The following SYNPO2 variants were observed in gnomAD, a reference collection of about 807,000 sequenced individuals.
SYNPO2 encodes the protein synaptopodin 2.
Under a neutral mutation model 85.0 loss-of-function variants are expected in SYNPO2, and 56 were observed. The ratio of observed to expected loss-of-function variants is 0.66; its 90% CI spans 0.53 to 0.82. The LOEUF (loss-of-function observed/expected upper bound fraction) is 0.82. Among genes scored for constraint, SYNPO2 ranks in the 40% least tolerant of loss-of-function variants. SYNPO2 has a pLI of 0.00. For missense variants in SYNPO2, 1,575 were observed against 1,534.2 expected (o/e 1.03, Z -0.44); for synonymous variants, 602 against 591.1 (o/e 1.02, Z -0.27).
At chr4:118,868,048 T>TA (rs34145856) in intron 1 of SYNPO2, among the ~76,000 whole-genome samples, 39 of 146,228 alleles carry the variant, frequency 2.7e-4, no homozygotes, top group East Asian at 2.2e-3. Context: ...TCCTTTCATT[T>TA]AAAAAAAAAA....
chr4:118,937,432 T>C (rs1383676355), intron 1 of SYNPO2, among the ~76,000 whole-genome samples: 1 of 152,140 alleles, frequency 6.6e-6, no homozygotes, highest in Non-Finnish European at 1.5e-5. Context: ...CCCTAACAGC[T>C]CATTTTAGGA....
At chr4:118,955,109 C>T (rs1274358939) in intron 1 of SYNPO2, among the ~76,000 whole-genome samples, 1 of 151,272 alleles carries the variant, frequency 6.6e-6, no homozygotes, top group African/African-American at 2.4e-5. Flanking sequence ...AAGTGATTCT[C>T]CTGCCTCAAC....
intron 1 of SYNPO2, among the ~76,000 whole-genome samples, chr4:118,880,035 C>G: frequency 6.6e-6 from 1 of 152,152 alleles, no homozygotes; most frequent in South Asian, 2.1e-4. Flanking sequence ...CTCTGAGACC[C>G]CTTGCATCAT....
rs1241402880 is a variant in SYNPO2, at chr4:118,995,846, C to T, written c.106-27584C>T. ...TGCTGTCTTTCATTCTTTATCTGTC[C>T]ATGTATCTATTTATCTTATCTATCT... is the stretch of plus-strand genomic sequence containing the variant. On this transcript the variant is annotated intron_variant, in intron 1 of 4. Transcript: ENST00000307142. 2.0e-5 allele frequency among the ~76,000 whole-genome samples: 3 copies of T among 150,194 alleles called. No individual in the cohort carries two copies. The East Asian group carries it at 5.9e-4, about 29-fold the overall frequency.
chr4:118,948,209 C>T (rs1417604964), intron 1 of SYNPO2, among the ~76,000 whole-genome samples: 2 of 152,052 alleles, frequency 1.3e-5, no homozygotes, highest in Non-Finnish European at 1.5e-5. Flanking sequence ...TAATAAGATC[C>T]GATTTGTTAA....
intron 1 of SYNPO2, among the ~76,000 whole-genome samples, chr4:119,007,468 T>C (rs564263580): frequency 5.3e-5 from 8 of 151,356 alleles, no homozygotes; most frequent in Admixed American, 1.3e-4. Context: ...ATTATTGACC[T>C]AGAAGCACAT....
chr4:119,007,665 G>C (rs1161555024), intron 1 of SYNPO2, among the ~76,000 whole-genome samples: 1 of 152,074 alleles, frequency 6.6e-6, no homozygotes, highest in Non-Finnish European at 1.5e-5. Context: ...CTTGGCCTTG[G>C]TCTTCATGTT....
At chr4:118,883,487 C>T (rs1732147203) in intron 1 of SYNPO2, among the ~76,000 whole-genome samples, 2 of 151,986 alleles carry the variant, frequency 1.3e-5, no homozygotes, top group South Asian at 4.2e-4. Flanking sequence ...TCATGTTAGG[C>T]CCAGAAATCT....
chr4:118,944,741 A>T (rs890231207), intron 1 of SYNPO2, among the ~76,000 whole-genome samples: 1 of 152,234 alleles, frequency 6.6e-6, no homozygotes, highest in Non-Finnish European at 1.5e-5. Flanking sequence ...TCTTTGCACA[A>T]GGAAATAATT....
chr4:118,978,792 GACACACACACAC>G (rs5861400), intron 1 of SYNPO2, among the ~76,000 whole-genome samples: 522 of 148,418 alleles, frequency 3.5e-3, no homozygotes, highest in Non-Finnish European at 4.9e-3. Context: ...CTCCTGCCAT[GACACACACACAC>G]ACACACACAC....
At position 119,058,071 on chromosome 4, in the gene SYNPO2, T is replaced by A; in HGVS notation, c.*137T>A. Reference sequence around the variant, plus strand: ...CTCATAAGTCATTTATCTAAGTTTGTGTTTCTGTGTGTGTGTGTGTGTGTG... The same window carrying A: ...CTCATAAGTCATTTATCTAAGTTTGAGTTTCTGTGTGTGTGTGTGTGTGTG... On this transcript the variant is annotated 3_prime_UTR_variant, in exon 5 of 5. Transcript: ENST00000307142. The A allele has an allele frequency of 1.2e-6, 1 of 824,068 alleles. No individual in the cohort carries two copies. Among genetic ancestry groups the A allele is most frequent in the South Asian group, 1.9e-5 (1 of 52,104 alleles). 51.0% of individuals were successfully genotyped at this position (824,068 alleles called of 1,614,324 possible).
Position 119,002,265 on chromosome 4 carries a change from A to AT in SYNPO2, c.106-21157dup, listed in dbSNP as rs1313896484. Among the ~76,000 whole-genome samples, 3 of 151,674 alleles carry AT rather than the reference A, an allele frequency of 2.0e-5. No individual in the cohort carries two copies. The East Asian group carries it at 5.8e-4, about 29-fold the overall frequency. ...ATATATCAGGAGTGCTATCAATGTCATTTTTTTTCTTCTGAGATGGAGTCT... is the reference window on the plus strand; with the variant it reads ...ATATATCAGGAGTGCTATCAATGTCATTTTTTTTTCTTCTGAGATGGAGTCT... On this transcript the variant is annotated intron_variant, in intron 1 of 4. Coordinates refer to ENST00000307142, the MANE Select transcript of SYNPO2 (RefSeq NM_133477.3).
intron 1 of SYNPO2, among the ~76,000 whole-genome samples, chr4:118,858,886 C>T (rs1731558149): frequency 1.3e-5 from 2 of 152,196 alleles, no homozygotes. Flanking sequence ...TCTTTCTCAT[C>T]CAACCTTTCA....
At chr4:118,925,651 T>C (rs754397) in intron 1 of SYNPO2, among the ~76,000 whole-genome samples, 91,059 of 151,986 alleles carry the variant, frequency 0.6, 28,608 homozygotes, top group East Asian at 0.82. Flanking sequence ...CTAATCCTAA[T>C]AGGGTTCCTG....
In SYNPO2 at chr4:119,032,044, T is replaced by C; in HGVS notation, c.3252+17T>C. 2 of 1,613,118 alleles carry C rather than the reference T, an allele frequency of 1.2e-6. No individual in the cohort carries two copies. Among genetic ancestry groups the C allele is most frequent in the Non-Finnish European group, 1.7e-6 (2 of 1,179,472 alleles). ...ACAATTCAGGTGTGGAAACCATCTGTTGTGGAAGAGTAATCTTGTAGCTGA... is the reference window on the plus strand; with the variant it reads ...ACAATTCAGGTGTGGAAACCATCTGCTGTGGAAGAGTAATCTTGTAGCTGA... On this transcript the variant is annotated intron_variant, in intron 4 of 4. Transcript: ENST00000307142.
chr4:118,900,685 CTCTCTCTCTCTCTCTCTCTATATATATA>C lies in SYNPO2; in HGVS notation c.105+11546_105+11573del, dbSNP rs1435113475. ...TCTTTCTCTCTCTCTCTCTCTCTCT[CTCTCTCTCTCTCTCTCTCTATATATATA>C]TATATATATATATATATATGTCTGT... On this transcript the variant is annotated intron_variant, in intron 1 of 4. Coordinates refer to ENST00000307142, the MANE Select transcript of SYNPO2 (RefSeq NM_133477.3). Among the ~76,000 whole-genome samples, 33 of 43,768 alleles carry C rather than the reference CTCTCTCTCTCTCTCTCTCTATATATATA, an allele frequency of 7.5e-4. 1 individual carries two copies. The highest frequency in any genetic ancestry group is 2.1e-3 in the African/African-American group (32 of 15,298). 28.7% of individuals were successfully genotyped at this position (43,768 alleles called of 152,430 possible). A position where few individuals can be genotyped will look rare whatever the true frequency, so the allele number is the denominator to read the frequency against.
At chr4:119,039,154 TG>T (rs1738629389) in intron 4 of SYNPO2, among the ~76,000 whole-genome samples, 2 of 152,308 alleles carry the variant, frequency 1.3e-5, no homozygotes, top group South Asian at 4.1e-4. Flanking sequence ...AGCACTTTTT[TG>T]GTCACCACAA....
intron 1 of SYNPO2, among the ~76,000 whole-genome samples, chr4:118,961,109 C>CCT (rs1553941441): frequency 8.3e-6 from 1 of 121,174 alleles, no homozygotes; most frequent in Non-Finnish European, 1.7e-5. Context: ...GCCCCCCCCC[C>CCT]ACCCCTCCAG....
At chr4:118,881,301 C>CAAA (rs765003546) in intron 1 of SYNPO2, among the ~76,000 whole-genome samples, 2 of 114,036 alleles carry the variant, frequency 1.8e-5, no homozygotes, top group Non-Finnish European at 3.6e-5. Context: ...AACTCCGTCT[C>CAAA]AAAAAAAAAA....
Sources: allele counts gnomAD v4.1 joint callset (sites outside exome capture counted in the v4.1 genomes callset), GRCh38; gene constraint gnomAD v4.1.1; transcripts MANE v1.5; gene names NCBI Gene and HGNC (gene_info 2026-07-23, HGNC 2026-07-21).